Variants in PLA2G4F observed in about 807,000 individuals in gnomAD.
PLA2G4F encodes cytosolic phospholipase A2 zeta.
A neutral mutation model predicts 103.1 loss-of-function variants in PLA2G4F; 105 were observed. The ratio of observed to expected loss-of-function variants is 1.02; its 90% CI spans 0.87 to 1.20. The LOEUF is 1.20. Ranked by LOEUF, PLA2G4F falls within the 50% of genes most tolerant of loss-of-function variation. The probability of loss-of-function intolerance (pLI) is 0.00; values close to 1 mark genes in which losing one functional copy is unlikely to be tolerated. For missense variants in PLA2G4F, 1,155 were observed against 1,075.9 expected (o/e 1.07, Z -1.03); for synonymous variants, 468 against 441.1 (o/e 1.06, Z -0.76).
In PLA2G4F at chr15:42,143,982, A is replaced by C; in HGVS notation, c.2138T>G (p.Phe713Cys). ...CATCCCTGCCTCCCAGCTCACCTCA[A>C]AAGGGGCTTCCAAGGAATAGTCAAA... ...LSFDYSLEAP[F>C]EVLKMTEKYC... is the part of the protein sequence containing the mutation. Residue 713 changes from phenylalanine (F) to cysteine (C), a missense_variant, in exon 18 of 20, where the codon TTT becomes TGT. Physicochemically the swap from Phe to Cys is radical, Grantham distance 205. Around this residue, in one of 3 missense-constraint regions of PLA2G4F, gnomAD observed 782 missense variants for 692.9 expected, o/e 1.13. Transcript: ENST00000397272. The C allele has an allele frequency of 6.2e-7, 1 of 1,602,910 alleles. No homozygotes were observed. The highest frequency in any genetic ancestry group is 8.5e-7 in the Non-Finnish European group (1 of 1,173,328).
intron 2 of PLA2G4F, among the ~76,000 whole-genome samples, chr15:42,155,154 C>T (rs748295010): frequency 1.3e-5 from 2 of 151,998 alleles, no homozygotes; most frequent in African/African-American, 2.4e-5. Context: ...CTTCCACTCA[C>T]ACTTGCACTC....
Position 42,154,221 on chromosome 15 carries a change from C to G in PLA2G4F, c.322-1G>C. 4 of 1,614,168 alleles carry G rather than the reference C, an allele frequency of 2.5e-6. No homozygotes were observed. Among genetic ancestry groups the G allele is most frequent in the Non-Finnish European group, 3.4e-6 (4 of 1,180,020 alleles). ...CATAGAGGGTGAGCTCCAGGACGTTCTGGGGACAAGGCAGGCAGGAGGTCC... is the reference window on the plus strand; with the variant it reads ...CATAGAGGGTGAGCTCCAGGACGTTGTGGGGACAAGGCAGGCAGGAGGTCC... On this transcript the variant is annotated splice_acceptor_variant, in intron 3 of 19. Transcript: ENST00000397272. LOFTEE classifies it high-confidence loss of function.
intron 7 of PLA2G4F, chr15:42,151,568 C>T (rs1259126054): frequency 2.0e-6 from 2 of 985,262 alleles, no homozygotes; most frequent in African/African-American, 1.7e-5. Flanking sequence ...GGACAGCAGA[C>T]ACTGAGGGAT....
rs570625015 is a variant in PLA2G4F, at chr15:42,140,659, C to T, written c.*1325G>A. ...CAAGACACAGGCTGGGCTCCAGTCA[C>T]CCTTCCCCAACCTGGAAACCAGAAC... On this transcript the variant is annotated 3_prime_UTR_variant, in exon 20 of 20. Coordinates refer to ENST00000397272, the MANE Select transcript of PLA2G4F (RefSeq NM_213600.4). 1 of 153,106 alleles carries T rather than the reference C, an allele frequency of 6.5e-6. No homozygotes were observed. Among genetic ancestry groups the T allele is most frequent in the South Asian group, 2.1e-4 (1 of 4,850 alleles). The allele number at this position is 153,106 out of a possible 1,614,324, so 9.5% of individuals were successfully genotyped here. A position where few individuals can be genotyped will look rare whatever the true frequency, so the allele number is the denominator to read the frequency against.
intron 6 of PLA2G4F, among the ~76,000 whole-genome samples, 180 bp from the exon 7 acceptor site, chr15:42,152,934 G>C (rs1047196947): frequency 1.3e-5 from 2 of 152,162 alleles, no homozygotes; most frequent in African/African-American, 4.8e-5. Flanking sequence ...GGGCCTCACG[G>C]GTAAGAATCT....
chr15:42,150,472 TG>T lies in PLA2G4F; in HGVS notation c.785del (p.Ala262GlufsTer22). The T allele has an allele frequency of 6.2e-7, 1 of 1,612,876 alleles. No homozygotes were observed. The highest frequency in any genetic ancestry group is 1.7e-5 in the Admixed American group (1 of 59,880). On this transcript the variant is annotated frameshift_variant, in exon 9 of 20. Transcript: ENST00000397272. LOFTEE classifies it high-confidence loss of function. ...LLAAVQSGPS[A>X]ELEAQTSKLG... ...GCTTGCTGGTCTGAGCCTCCAACTC[TG>T]CGCTGGGGCCACTCTGTGGAAAAGA...
At chr15:42,149,406 A>T in intron 11 of PLA2G4F, 3 of 850,456 alleles carry the variant, frequency 3.5e-6, no homozygotes, top group Non-Finnish European at 4.2e-6. Context: ...CCCAGCAGAA[A>T]CCAACCCTGA....
At chr15:42,149,083 C>A in intron 11 of PLA2G4F, 2 of 985,418 alleles carry the variant, frequency 2.0e-6, no homozygotes, top group East Asian at 1.1e-4. Flanking sequence ...TGGCCACAGG[C>A]TGGCTGTCTC....
chr15:42,153,229 G>T, intron 6 of PLA2G4F, 71 bp downstream of exon 6: 2 of 1,507,006 alleles, frequency 1.3e-6, no homozygotes, highest in Non-Finnish European at 1.8e-6. Flanking sequence ...AACTGGGCCT[G>T]ATGGGCCCTG....
At position 42,145,605 on chromosome 15, in the gene PLA2G4F, C is replaced by T; in HGVS notation, c.1750G>A (p.Glu584Lys). ...ATATTCACACTGCCTCTGTACCACT[C>T]CAGGAAGCTGAGGCCCGAGCCGGCG... ...KTAGSGLSFLEWYRGSVNITD... is the reference protein window; with the variant it reads ...KTAGSGLSFLKWYRGSVNITD... The change falls in exon 16 of 20, where the codon GAG becomes AAG. Residue 584 changes from glutamate (E) to lysine (K), a missense_variant. Glu to Lys is a moderately conservative substitution (Grantham distance 56). This residue lies in a region of PLA2G4F where 782 missense variants were observed against 692.9 expected (regional missense o/e 1.13). Coordinates refer to ENST00000397272, the MANE Select transcript of PLA2G4F (RefSeq NM_213600.4). 3 of 1,614,146 alleles carry T rather than the reference C, an allele frequency of 1.9e-6. No homozygotes were observed. In the South Asian group the frequency reaches 3.3e-5, roughly 18 times the overall value.
chr15:42,146,004 GC>G (rs1319488214), intron 14 of PLA2G4F, 101 bp from the exon 15 acceptor site: 56 of 1,586,136 alleles, frequency 3.5e-5, no homozygotes, highest in Admixed American at 1.4e-4. Context: ...AGAAGCAGCA[GC>G]CCCGCTGTGC....
In PLA2G4F at chr15:42,145,645, C is replaced by T; in HGVS notation, c.1710G>A (p.Glu570=). 6.2e-7 allele frequency: 1 copy of T among 1,614,168 alleles called. No homozygotes were observed. The highest frequency in any genetic ancestry group is 8.5e-7 in the Non-Finnish European group (1 of 1,180,022). The change falls in exon 16 of 20, where the codon GAG becomes GAA. Residue 570 remains glutamate, a synonymous_variant. Transcript: ENST00000397272. ...CCGAGCCGGCGGTCTTTAGGAAGATCTCATCCAGGCTGGTGGCAAAGGCGC... is the reference window on the plus strand; with the variant it reads ...CCGAGCCGGCGGTCTTTAGGAAGATTTCATCCAGGCTGGTGGCAAAGGCGC... ...WGSAFATSLD[E]IFLKTAGSGL...
intron 11 of PLA2G4F, chr15:42,148,827 G>C: frequency 1.0e-6 from 1 of 985,376 alleles, no homozygotes; most frequent in Non-Finnish European, 1.2e-6. Context: ...TTCGTCTCCT[G>C]TCTTGAAAAA....
chr15:42,147,090 G>T (rs773162392), intron 13 of PLA2G4F, 34 bp downstream of exon 13: 1 of 1,582,008 alleles, frequency 6.3e-7, no homozygotes, highest in East Asian at 2.2e-5. Flanking sequence ...GAGTGGAGAG[G>T]AGCCTACGTA....
chr15:42,141,424 G>A lies in PLA2G4F; in HGVS notation c.*560C>T. On this transcript the variant is annotated 3_prime_UTR_variant, in exon 20 of 20. Transcript: ENST00000397272. The stretch of plus-strand genomic sequence containing the variant: ...GGCACGAGGAGACCAGAAGGCAGAA[G>A]GAGGGTTAGGATGATGGAGTCAGCA... 2.2e-6 allele frequency: 1 copy of A among 452,752 alleles called. No individual in the cohort carries two copies. Among genetic ancestry groups the A allele is most frequent in the Non-Finnish European group, 4.4e-6 (1 of 224,734 alleles). 28.0% of individuals were successfully genotyped at this position (452,752 alleles called of 1,614,324 possible). A position where few individuals can be genotyped will look rare whatever the true frequency, so the allele number is the denominator to read the frequency against.
At chr15:42,144,402 G>A (rs1435532309) in intron 17 of PLA2G4F, 48 bp downstream of exon 17, 3 of 1,596,822 alleles carry the variant, frequency 1.9e-6, no homozygotes, top group African/African-American at 2.7e-5. Context: ...AGCCAGAGGT[G>A]CAGGCAGGAA....
In PLA2G4F at chr15:42,153,996, G is replaced by GGC. The variant is rs1208375925; in HGVS notation, c.450+94_450+95dup. Reference sequence around the variant, plus strand: ...GGGGTGGAGGAAGGTCTGCCTTGGAGGCTTGGCCTGTGCCGACCAGAGCCC... The same window carrying GGC: ...GGGGTGGAGGAAGGTCTGCCTTGGAGGCGCTTGGCCTGTGCCGACCAGAGCCC... On this transcript the variant is annotated intron_variant, in intron 4 of 19. Transcript: ENST00000397272. 10 of 1,560,012 alleles carry GGC rather than the reference G, an allele frequency of 6.4e-6. No homozygotes were observed. The African/African-American group carries it at 1.4e-4, about 21-fold the overall frequency.
At chr15:42,156,387 G>C (rs955826374) in intron 1 of PLA2G4F, 52 bp downstream of exon 1, 1 of 1,467,604 alleles carries the variant, frequency 6.8e-7, no homozygotes, top group African/African-American at 1.4e-5. Flanking sequence ...GGGCACTGCA[G>C]CTCCCAGGAC....
intron 7 of PLA2G4F, chr15:42,151,584 G>A: frequency 1.0e-6 from 1 of 985,374 alleles, no homozygotes. Context: ...GGGATGAGAG[G>A]TCCAGAGGAG....
Sources: allele counts gnomAD v4.1 joint callset (sites outside exome capture counted in the v4.1 genomes callset), GRCh38; gene constraint gnomAD v4.1.1; regional missense constraint gnomAD v4.1.1; transcripts MANE v1.5; gene names NCBI Gene and HGNC (gene_info 2026-07-23, HGNC 2026-07-21).